Variants in KCNH5 observed in about 807,000 individuals in gnomAD.
KCNH5 encodes the protein voltage-gated delayed rectifier potassium channel KCNH5.
Under a neutral mutation model 96.1 loss-of-function variants are expected in KCNH5, and 46 were observed. The observed-to-expected ratio is 0.48, with a 90% CI of 0.38 to 0.61. KCNH5 has a LOEUF of 0.61. Ranked by LOEUF, KCNH5 falls within the 20% of genes least tolerant of loss-of-function variation. KCNH5 has a pLI of 0.00. For missense variants in KCNH5, 907 were observed against 1,225.8 expected, an observed-to-expected ratio of 0.74 and a Z score of 3.88; for synonymous variants, 439 against 449.8, an observed-to-expected ratio of 0.98 and a Z score of 0.30.
intron 10 of KCNH5, among the ~76,000 whole-genome samples, chr14:62,744,794 C>CCCTGGGTT (rs1373203324): frequency 6.6e-6 from 1 of 152,134 alleles, no homozygotes; most frequent in Non-Finnish European, 1.5e-5. Flanking sequence ...TCTGGGAAAA[C>CCCTGGGTT]CTCTTCTGAC....
In KCNH5 at chr14:62,709,232, C is replaced by CAAAAAAAAAAAAAAAAAA. The variant is rs67304113; in HGVS notation, c.2020-795_2020-778dup. 1.3e-4 allele frequency among the ~76,000 whole-genome samples: 9 copies of CAAAAAAAAAAAAAAAAAA among 71,568 alleles called. No homozygotes were observed. In the East Asian group the frequency reaches 2.7e-3, roughly 22 times the overall value. The allele number at this position is 71,568 out of a possible 152,430, so 47.0% of individuals were successfully genotyped here. ...TGGGCGACAGAACGAGACTCCTTCTCAAAAAAAAAAAAAAAAAAAAAAAAA... is the reference window on the plus strand; with the variant it reads ...TGGGCGACAGAACGAGACTCCTTCTCAAAAAAAAAAAAAAAAAAAAAAAAAAAAAAAAAAAAAAAAAAA... On this transcript the variant is annotated intron_variant, in intron 10 of 10. Transcript: ENST00000322893.
At chr14:62,927,446 T>C (rs1039643268) in intron 7 of KCNH5, among the ~76,000 whole-genome samples, 4 of 152,132 alleles carry the variant, frequency 2.6e-5, no homozygotes, top group Non-Finnish European at 4.4e-5. Context: ...CCCATGTCTA[T>C]AGGAGCATTA....
intron 10 of KCNH5, among the ~76,000 whole-genome samples, chr14:62,736,460 C>A (rs897276761): frequency 6.6e-6 from 1 of 151,988 alleles, no homozygotes; most frequent in Non-Finnish European, 1.5e-5. Flanking sequence ...TCAGCATGAC[C>A]ATAAACCACA....
At chr14:62,781,339 G>A (rs770546862) in intron 9 of KCNH5, among the ~76,000 whole-genome samples, 6 of 152,174 alleles carry the variant, frequency 3.9e-5, no homozygotes, top group Non-Finnish European at 7.3e-5. Context: ...ACAGGACTGA[G>A]GTGAAATTAA....
intron 10 of KCNH5, among the ~76,000 whole-genome samples, chr14:62,752,388 C>G (rs767992589): frequency 5.3e-5 from 8 of 151,988 alleles, no homozygotes; most frequent in African/African-American, 1.9e-4. Context: ...TGGGGAAGAG[C>G]ATCAAGTGGG....
chr14:62,786,384 T>C (rs907507384), intron 9 of KCNH5, among the ~76,000 whole-genome samples: 1 of 152,146 alleles, frequency 6.6e-6, no homozygotes, highest in Non-Finnish European at 1.5e-5. Context: ...TGCCTTCACT[T>C]CTTTTTTTAG....
chr14:62,731,678 C>A (rs930665754), intron 10 of KCNH5, among the ~76,000 whole-genome samples: 1 of 152,120 alleles, frequency 6.6e-6, no homozygotes, highest in African/African-American at 2.4e-5. Context: ...TGAAATAGTT[C>A]TAAGAATGCC....
intron 7 of KCNH5, among the ~76,000 whole-genome samples, chr14:62,907,776 C>A (rs777964939): frequency 2.6e-5 from 4 of 152,204 alleles, no homozygotes; most frequent in Non-Finnish European, 2.9e-5. Context: ...TGTGGCCTGG[C>A]TGGAGCGGCA....
chr14:62,776,209 G>A (rs1043076633), intron 10 of KCNH5, among the ~76,000 whole-genome samples: 2 of 152,010 alleles, frequency 1.3e-5, no homozygotes, highest in African/African-American at 4.8e-5. Flanking sequence ...GGAGGTTGCA[G>A]TGAGTCGAGA....
chr14:62,709,167 A>G (rs953595573), intron 10 of KCNH5, among the ~76,000 whole-genome samples: 1 of 137,262 alleles, frequency 7.3e-6, no homozygotes, highest in African/African-American at 2.7e-5. Flanking sequence ...CGGAAGGCGG[A>G]GCTTGCAGTG....
At chr14:62,785,920 C>T (rs531950682) in intron 9 of KCNH5, among the ~76,000 whole-genome samples, 3 of 152,186 alleles carry the variant, frequency 2.0e-5, no homozygotes, top group East Asian at 3.9e-4. Context: ...AGGCAGGGCA[C>T]GGTGGCTCAT....
At chr14:63,015,691 G>A (rs77793461) in intron 2 of KCNH5, among the ~76,000 whole-genome samples, 19,782 of 151,796 alleles carry the variant, frequency 0.13, 1,786 homozygotes, top group Non-Finnish European at 0.2. Flanking sequence ...ATCAAAATCC[G>A]TGCACACTCA....
chr14:62,930,542 A>T (rs1178686036), intron 7 of KCNH5, among the ~76,000 whole-genome samples: 2 of 152,152 alleles, frequency 1.3e-5, no homozygotes, highest in African/African-American at 2.4e-5. Flanking sequence ...AGCTTTCATC[A>T]AAGGCACATA....
intron 7 of KCNH5, among the ~76,000 whole-genome samples, chr14:62,908,820 A>C (rs1595679787): frequency 1.9e-5 from 1 of 53,062 alleles, no homozygotes. Flanking sequence ...TTTTGCTGTA[A>C]TAAATCTTAG....
intron 8 of KCNH5, among the ~76,000 whole-genome samples, chr14:62,815,188 A>G (rs1001431699): frequency 3.5e-4 from 54 of 152,314 alleles, no homozygotes; most frequent in Non-Finnish European, 6.0e-4. Context: ...TTGATACAAA[A>G]GAGTATACTC....
At chr14:62,740,948 T>C (rs929604464) in intron 10 of KCNH5, among the ~76,000 whole-genome samples, 2 of 152,170 alleles carry the variant, frequency 1.3e-5, no homozygotes, top group African/African-American at 4.8e-5. Flanking sequence ...CTAAACTTAC[T>C]TTGCTAATTT....
intron 7 of KCNH5, among the ~76,000 whole-genome samples, chr14:62,935,234 C>T (rs1889656056): frequency 6.6e-6 from 1 of 152,166 alleles, no homozygotes; most frequent in African/African-American, 2.4e-5. Context: ...TTTGAATTTA[C>T]AACTTTACAA....
At chr14:62,943,870 A>C (rs938538267) in intron 7 of KCNH5, among the ~76,000 whole-genome samples, 12 of 152,154 alleles carry the variant, frequency 7.9e-5, no homozygotes, top group African/African-American at 2.9e-4. Flanking sequence ...GCATCAGGCA[A>C]CCCTTCCAAT....
intron 7 of KCNH5, among the ~76,000 whole-genome samples, chr14:62,939,851 A>C (rs1889754976): frequency 6.6e-6 from 1 of 152,064 alleles, no homozygotes; most frequent in Admixed American, 6.6e-5. Flanking sequence ...GAGGCAGGAC[A>C]ATCATTTGAA....
Sources: gnomAD v4.1 joint callset for allele counts (sites outside exome capture counted in the v4.1 genomes callset) on GRCh38, gnomAD v4.1.1 for gene constraint, MANE v1.5 for transcripts, NCBI Gene and HGNC (gene_info 2026-07-23, HGNC 2026-07-21) for gene names.